BCOR: variants seen among roughly 807,000 people sequenced by gnomAD.
BCOR encodes BCL6 corepressor, also known as BCL-6 corepressor.
In BCOR, 10 loss-of-function variants were observed where a neutral mutation model predicts 86.7. That is an observed-to-expected ratio of 0.12 (90% CI 0.07 to 0.20). The LOEUF (loss-of-function observed/expected upper bound fraction) is 0.20. Among genes scored for constraint, BCOR ranks in the 10% least tolerant of loss-of-function variants. BCOR has a pLI of 1.00. For missense variants in BCOR, 1,259 were observed against 1,452.1 expected (o/e 0.87, Z 2.16); for synonymous variants, 611 against 609.0 (o/e 1.00, Z -0.05).
chrX:40,166,340 T>C (rs1938507757), intron 1 of BCOR, among the ~76,000 whole-genome samples: 1 of 112,226 alleles, frequency 8.9e-6, no homozygotes, highest in Non-Finnish European at 1.9e-5. Flanking sequence ...GGAGTCTTTG[T>C]GAACATCTCC....
intron 1 of BCOR, among the ~76,000 whole-genome samples, chrX:40,169,500 C>G (rs1938574561): frequency 1.8e-5 from 2 of 111,457 alleles, no homozygotes; most frequent in Admixed American, 1.9e-4. Context: ...AGTCTTGGTA[C>G]CTCCTAAACG....
At chrX:40,139,470 T>C (rs1016526699) in intron 1 of BCOR, among the ~76,000 whole-genome samples, 2 of 8,248 alleles carry the variant, frequency 2.4e-4, no homozygotes, top group Admixed American at 3.5e-3. Context: ...TATATATATA[T>C]ATATATATAT....
intron 6 of BCOR, among the ~76,000 whole-genome samples, chrX:40,066,235 T>C (rs1465792554): frequency 1.8e-5 from 2 of 111,472 alleles, no homozygotes; most frequent in African/African-American, 6.5e-5. Context: ...TCCAAAAACA[T>C]GGCCAAGGTG....
chrX:40,103,922 CAAAAAAGAAAAAGA>C (rs1439090700), intron 1 of BCOR, among the ~76,000 whole-genome samples: 1 of 110,369 alleles, frequency 9.1e-6, no homozygotes, highest in Non-Finnish European at 1.9e-5. Flanking sequence ...AAAACTGGAT[CAAAAAAGAAAAAGA>C]GAAAAAGAAA....
upstream of BCOR, among the ~76,000 whole-genome samples, chrX:40,098,476 C>T (rs943055091): frequency 1.8e-5 from 2 of 111,619 alleles, no homozygotes; most frequent in African/African-American, 6.5e-5. Flanking sequence ...GGGATGGGGG[C>T]GGCGGGGGCG....
intron 1 of BCOR, among the ~76,000 whole-genome samples, chrX:40,138,844 C>T (rs762627382): frequency 9.0e-6 from 1 of 111,011 alleles, no homozygotes; most frequent in Non-Finnish European, 1.9e-5. Flanking sequence ...CGTGAGACAC[C>T]GTGTCTGGCC....
At chrX:40,053,729 A>AC (rs1934441648) in intron 14 of BCOR, 157 bp downstream of exon 14, 5 of 620,336 alleles carry the variant, frequency 8.1e-6, no homozygotes, top group Non-Finnish European at 1.3e-5. Context: ...GCTGATGTGT[A>AC]CCCTTTCTGG....
At chrX:40,069,530 G>A (rs1935368988) in intron 6 of BCOR, among the ~76,000 whole-genome samples, 4 of 112,526 alleles carry the variant, frequency 3.6e-5, no homozygotes, top group Non-Finnish European at 7.5e-5. Context: ...CAAGAAGGCT[G>A]GAAGCTGGCT....
chrX:40,177,117 T>G (rs1792552275), exon 1 of BCOR: 1 of 109,968 alleles, frequency 9.1e-6, no homozygotes, highest in Admixed American at 9.6e-5. Flanking sequence ...GGGGGCGAGT[T>G]CTCCGGGAGG....
At chrX:40,083,335 G>C (rs1412326806) in intron 1 of BCOR, among the ~76,000 whole-genome samples, 1 of 111,014 alleles carries the variant, frequency 9.0e-6, no homozygotes. Flanking sequence ...TGGGGGTGAG[G>C]GAAGTGATCC....
chrX:40,101,702 G>A (rs1937077427), upstream of BCOR, among the ~76,000 whole-genome samples: 1 of 112,569 alleles, frequency 8.9e-6, no homozygotes, highest in Non-Finnish European at 1.9e-5. Flanking sequence ...CAGGCATCCT[G>A]TGTTTGGGGG....
Position 40,062,316 on chromosome X carries a change from C to A in BCOR, c.4251G>T (p.Lys1417Asn), listed in dbSNP as rs749682981. 2 of 1,206,697 alleles carry A rather than the reference C, an allele frequency of 1.7e-6. No individual in the cohort carries two copies. Among genetic ancestry groups the A allele is most frequent in the Non-Finnish European group, 2.2e-6 (2 of 893,949 alleles). Residue 1417 changes from lysine to asparagine, a missense_variant, in exon 10 of 15, where the codon AAG becomes AAT. Lys to Asn is a moderately conservative substitution (Grantham distance 94). Around this residue, in one of 7 missense-constraint regions of BCOR, gnomAD observed 305 missense variants for 286.1 expected, o/e 1.07. Coordinates refer to ENST00000378444, the MANE Select transcript of BCOR (RefSeq NM_001123385.2). ...YDLSPAKQEP[K>N]PFDRLQQLLP... ...GCAGTTGCTGCAAGCGGTCGAAGGG[C>A]TTTGGCTCCTGCTTGGCTGGTGACA...
chrX:40,064,204 G>A (rs1355518165), intron 7 of BCOR, 132 bp downstream of exon 7: 48 of 983,871 alleles, frequency 4.9e-5, no homozygotes, highest in Non-Finnish European at 5.7e-5. Flanking sequence ...CCACTGCTGC[G>A]CCCCCACGGC....
At chrX:40,101,747 T>C (rs1242596775), upstream of BCOR, among the ~76,000 whole-genome samples, 1 of 112,763 alleles carries the variant, frequency 8.9e-6, no homozygotes, top group Non-Finnish European at 1.9e-5. Flanking sequence ...GCAAGATTTA[T>C]TTATAACGTA....
chrX:40,165,486 G>T (rs1277413077), intron 1 of BCOR, among the ~76,000 whole-genome samples: 1 of 112,189 alleles, frequency 8.9e-6, no homozygotes. Flanking sequence ...CCCTGTGCAG[G>T]AGAGTCCAAG....
At chrX:40,120,227 A>G (rs758584620) in intron 1 of BCOR, among the ~76,000 whole-genome samples, 56 of 110,770 alleles carry the variant, frequency 5.1e-4, no homozygotes, top group Non-Finnish European at 9.1e-4. Context: ...CTCTGCAGGA[A>G]CTTCCACTCC....
chrX:40,103,826 G>C (rs1374014356), intron 1 of BCOR, among the ~76,000 whole-genome samples: 1 of 111,763 alleles, frequency 8.9e-6, no homozygotes, highest in Admixed American at 9.5e-5. Context: ...ATAAGATAAC[G>C]CTAAGCTGGG....
At chrX:40,054,934 C>A (rs4393046) in intron 12 of BCOR, among the ~76,000 whole-genome samples, 20,898 of 111,955 alleles carry the variant, frequency 0.19, 1,576 homozygotes, top group African/African-American at 0.24. Flanking sequence ...CTGATAAGGA[C>A]TTTAACTGCA....
Position 40,063,871 on chromosome X carries a change from T to C in BCOR, c.3584A>G (p.Lys1195Arg). ...GAGCCCTGTTAATTCAATGCACACC[T>C]TCAGGTTGGTCAGCTCACTATAATG... ...DPHYSELTNL[K>R]VCIELTGLHP... The change falls in exon 8 of 15, where the codon AAG becomes AGG. Residue 1195 changes from lysine (K) to arginine (R), a missense_variant. Transcript: ENST00000378444. 8.3e-7 allele frequency: 1 copy of C among 1,211,809 alleles called. No homozygotes were observed. Among genetic ancestry groups the C allele is most frequent in the Non-Finnish European group, 1.1e-6 (1 of 895,362 alleles).
Sources: gnomAD v4.1 joint callset for allele counts (sites outside exome capture counted in the v4.1 genomes callset) on GRCh38, gnomAD v4.1.1 for gene constraint, gnomAD v4.1.1 regional missense constraint, MANE v1.5 for transcripts, NCBI Gene and HGNC (gene_info 2026-07-23, HGNC 2026-07-21) for gene names.